Variants in CCDC148 observed in about 807,000 individuals in gnomAD.
The protein encoded by CCDC148 is coiled-coil domain containing 148.
A neutral mutation model predicts 85.7 loss-of-function variants in CCDC148; 89 were observed. That is an observed-to-expected ratio of 1.04 (90% CI 0.87 to 1.24). The LOEUF is 1.24. CCDC148 is among the 50% of genes most tolerant of loss of function. The probability of loss-of-function intolerance (pLI) is 0.00; values close to 1 mark genes in which losing one functional copy is unlikely to be tolerated. For missense variants in CCDC148, 692 were observed against 671.7 expected, an observed-to-expected ratio of 1.03 and a Z score of -0.33; for synonymous variants, 230 against 213.9, an observed-to-expected ratio of 1.08 and a Z score of -0.66.
chr2:158,188,183 T>A (rs910862663), intron 11 of CCDC148, among the ~76,000 whole-genome samples: 27 of 151,996 alleles, frequency 1.8e-4, no homozygotes, highest in Non-Finnish European at 1.9e-4. Flanking sequence ...ATGTTTAATG[T>A]CTTATAAGAT....
At chr2:158,362,842 G>A (rs1261337030) in intron 1 of CCDC148, among the ~76,000 whole-genome samples, 2 of 151,532 alleles carry the variant, frequency 1.3e-5, no homozygotes, top group African/African-American at 2.4e-5. Context: ...GAAGGAGATA[G>A]AGACACAAAA....
chr2:158,220,624 G>A lies in CCDC148; in HGVS notation c.1341C>T (p.Ile447=), dbSNP rs762787404. 38 of 1,602,894 alleles carry A rather than the reference G, an allele frequency of 2.4e-5. No individual in the cohort carries two copies. The highest frequency in any genetic ancestry group is 2.3e-4 in the South Asian group (20 of 88,330). ...CTCTGTCTTTTAGTGACTGTTCAGCGATTAATTTCTTCAGTTCTTCTAGAC... is the reference window on the plus strand; with the variant it reads ...CTCTGTCTTTTAGTGACTGTTCAGCAATTAATTTCTTCAGTTCTTCTAGAC... ...LQRLEELKKL[I]AEQSLKDRER... The change falls in exon 11 of 14, where the codon ATC becomes ATT. Residue 447 remains isoleucine (I), a synonymous_variant. Coordinates refer to ENST00000283233, the MANE Select transcript of CCDC148 (RefSeq NM_138803.4).
intron 1 of CCDC148, among the ~76,000 whole-genome samples, chr2:158,406,280 AAAT>A: frequency 6.6e-6 from 1 of 152,260 alleles, no homozygotes; most frequent in African/African-American, 2.4e-5. Flanking sequence ...GCCTAAGCAG[AAAT>A]TCAGTTCTTT....
At chr2:158,217,971 C>A (rs1011181063) in intron 11 of CCDC148, among the ~76,000 whole-genome samples, 1 of 152,190 alleles carries the variant, frequency 6.6e-6, no homozygotes, top group East Asian at 1.9e-4. Flanking sequence ...TGAAAGAAGA[C>A]AACTTCTGGT....
intron 1 of CCDC148, among the ~76,000 whole-genome samples, chr2:158,374,537 GAAAA>G (rs1001396848): frequency 6.6e-6 from 1 of 151,784 alleles, no homozygotes; most frequent in East Asian, 1.9e-4. Context: ...TCTCTCTCGA[GAAAA>G]AAAGCCTAAA....
intron 1 of CCDC148, among the ~76,000 whole-genome samples, chr2:158,377,090 C>T (rs1684682336): frequency 6.6e-6 from 1 of 152,018 alleles, no homozygotes; most frequent in Non-Finnish European, 1.5e-5. Flanking sequence ...CTCCACTATC[C>T]TTTATTTCAT....
chr2:158,406,633 T>TGTTTTTTTTTTTTTTTC (rs1559124713), intron 1 of CCDC148, among the ~76,000 whole-genome samples: 1 of 140,838 alleles, frequency 7.1e-6, no homozygotes, highest in Non-Finnish European at 1.5e-5. Context: ...TTTTTTTTTT[T>TGTTTTTTTTTTTTTTTC]TTTTTTTGAG....
At chr2:158,279,441 G>A (rs1271656886) in intron 9 of CCDC148, among the ~76,000 whole-genome samples, 4 of 152,222 alleles carry the variant, frequency 2.6e-5, no homozygotes, top group African/African-American at 9.6e-5. Context: ...AGGAGCTGAT[G>A]GAGCTGAAAG....
chr2:158,231,548 C>T (rs1477120850), intron 10 of CCDC148, among the ~76,000 whole-genome samples: 1 of 152,132 alleles, frequency 6.6e-6, no homozygotes, highest in Non-Finnish European at 1.5e-5. Context: ...TCCTATCCAT[C>T]CTTTAAAGAC....
intron 1 of CCDC148, among the ~76,000 whole-genome samples, chr2:158,419,639 G>C (rs1221391380): frequency 6.6e-6 from 1 of 152,000 alleles, no homozygotes; most frequent in Non-Finnish European, 1.5e-5. Context: ...ATAGAGCTAG[G>C]AACATATGAG....
chr2:158,452,102 G>A (rs189918959), intron 1 of CCDC148, among the ~76,000 whole-genome samples: 37 of 152,282 alleles, frequency 2.4e-4, no homozygotes, highest in African/African-American at 8.2e-4. Flanking sequence ...AAGACAGACT[G>A]ACAAGAGAAA....
At chr2:158,428,921 T>C (rs1687200348) in intron 1 of CCDC148, among the ~76,000 whole-genome samples, 1 of 151,822 alleles carries the variant, frequency 6.6e-6, no homozygotes, top group Non-Finnish European at 1.5e-5. Context: ...ATTAAGAAAA[T>C]GTGGCACATA....
intron 10 of CCDC148, among the ~76,000 whole-genome samples, chr2:158,249,224 C>T (rs887502535): frequency 2.6e-5 from 4 of 152,210 alleles, no homozygotes; most frequent in Middle Eastern, 3.4e-3. Context: ...AAGTTGACAC[C>T]GCATGTAAAC....
chr2:158,296,824 G>C (rs763985450), intron 9 of CCDC148, among the ~76,000 whole-genome samples: 1 of 152,128 alleles, frequency 6.6e-6, no homozygotes, highest in Admixed American at 6.5e-5. Context: ...TCAAGTCCTC[G>C]AACCCTGGGA....
chr2:158,451,761 G>C (rs1366877727), intron 1 of CCDC148, among the ~76,000 whole-genome samples: 2 of 151,870 alleles, frequency 1.3e-5, no homozygotes, highest in East Asian at 3.8e-4. Flanking sequence ...TTTGATACTA[G>C]ATAGGTAATT....
intron 11 of CCDC148, among the ~76,000 whole-genome samples, chr2:158,209,264 A>G (rs1686425893): frequency 6.6e-6 from 1 of 151,994 alleles, no homozygotes; most frequent in Non-Finnish European, 1.5e-5. Flanking sequence ...CCATGGCTTT[A>G]TTCTCCTTCC....
At chr2:158,380,057 A>C (rs1160594931) in intron 1 of CCDC148, among the ~76,000 whole-genome samples, 1 of 152,092 alleles carries the variant, frequency 6.6e-6, no homozygotes, top group Non-Finnish European at 1.5e-5. Context: ...TGAGTAGCTG[A>C]CTATAGGTGT....
At chr2:158,323,847 T>C (rs1187934087) in intron 7 of CCDC148, among the ~76,000 whole-genome samples, 2 of 151,902 alleles carry the variant, frequency 1.3e-5, no homozygotes, top group Admixed American at 6.6e-5. Context: ...TTTAAAAACA[T>C]GTATTTTTGC....
chr2:158,334,174 A>G (rs1464725729), intron 7 of CCDC148, among the ~76,000 whole-genome samples: 1 of 152,090 alleles, frequency 6.6e-6, no homozygotes, highest in African/African-American at 2.4e-5. Context: ...AGTTGTCTAC[A>G]CTGAGCCTCT....
Sources: gnomAD v4.1 joint callset for allele counts (sites outside exome capture counted in the v4.1 genomes callset) on GRCh38, gnomAD v4.1.1 for gene constraint, MANE v1.5 for transcripts, NCBI Gene and HGNC (gene_info 2026-07-23, HGNC 2026-07-21) for gene names.